ARHGAP18: variants seen among roughly 807,000 people sequenced by gnomAD.
The protein encoded by ARHGAP18 is rho GTPase-activating protein 18.
ARHGAP18 carries 67 observed loss-of-function variants against 86.2 expected under a neutral mutation model. That is an observed-to-expected ratio of 0.78 (90% confidence interval 0.64 to 0.95). The LOEUF is 0.95. Ranked by LOEUF, ARHGAP18 falls within the 40% of genes least tolerant of loss-of-function variation. ARHGAP18 has a pLI of 0.00. For synonymous variants in ARHGAP18, 283 were observed against 280.4 expected (o/e 1.01, Z -0.09); for missense variants, 691 against 780.4 (o/e 0.89, Z 1.37).
intron 5 of ARHGAP18, among the ~76,000 whole-genome samples, chr6:129,626,609 T>G (rs1789478047): frequency 6.6e-6 from 1 of 151,204 alleles, no homozygotes; most frequent in Non-Finnish European, 1.5e-5. Context: ...CTAAGCAACC[T>G]AAAACACAAT....
chr6:129,653,976 A>C (rs971083822), intron 1 of ARHGAP18, among the ~76,000 whole-genome samples: 1 of 152,270 alleles, frequency 6.6e-6, no homozygotes, highest in East Asian at 1.9e-4. Flanking sequence ...CCAGAACTTC[A>C]AGGCTACAGT....
rs558745278 is a variant in ARHGAP18, at chr6:129,600,077, CAAAT to C, written c.1572+561_1572+564del. The stretch of plus-strand genomic sequence containing the variant: ...AACAAATTAATGTTTGGAAGCTCCT[CAAAT>C]AAGAGATTGAAATATTCAATATTAT... On this transcript the variant is annotated intron_variant, in intron 11 of 14. Transcript: ENST00000368149. Among the ~76,000 whole-genome samples, 194 of 152,170 alleles carry C rather than the reference CAAAT, an allele frequency of 1.3e-3. 4 individuals are homozygous for C. In the Middle Eastern group the frequency reaches 0.014, roughly 11 times the overall value.
At chr6:129,623,660 T>G (rs554524977) in intron 5 of ARHGAP18, among the ~76,000 whole-genome samples, 1 of 152,272 alleles carries the variant, frequency 6.6e-6, no homozygotes, top group African/African-American at 2.4e-5. Context: ...CTCAGAGTAG[T>G]GAATACAAAT....
intron 4 of ARHGAP18, among the ~76,000 whole-genome samples, chr6:129,631,969 C>T (rs982030957): frequency 6.6e-6 from 1 of 152,102 alleles, no homozygotes; most frequent in African/African-American, 2.4e-5. Flanking sequence ...ACAACCCTTG[C>T]AACTATAAAA....
chr6:129,625,667 ATAT>A lies in ARHGAP18; in HGVS notation c.786+3683_786+3685del, dbSNP rs1231571236. Among the ~76,000 whole-genome samples, 8 of 55,380 alleles carry A rather than the reference ATAT, an allele frequency of 1.4e-4. 1 individual carries two copies. Among genetic ancestry groups the A allele is most frequent in the South Asian group, 1.1e-3 (2 of 1,820 alleles). The allele number at this position is 55,380 out of a possible 152,430, so 36.3% of individuals were successfully genotyped here. Reference sequence around the variant, plus strand: ...ATATATTTATATATTATATATATTTATATTATATTATATATATTTATATATTAT... The same window carrying A: ...ATATATTTATATATTATATATATTTATATATTATATATATTTATATATTAT... On this transcript the variant is annotated intron_variant, in intron 5 of 14. Coordinates refer to ENST00000368149, the MANE Select transcript of ARHGAP18 (RefSeq NM_033515.3).
chr6:129,648,197 G>A (rs1340506906), intron 1 of ARHGAP18, among the ~76,000 whole-genome samples: 3 of 149,942 alleles, frequency 2.0e-5, no homozygotes, highest in Admixed American at 2.0e-4. Flanking sequence ...TTTGAGATGG[G>A]GTCTCGCTGT....
rs146300308 is a variant in ARHGAP18 at position 129,636,809 on chromosome 6, G to A, written c.552+1585C>T. ...GGAGAATTGCTTGAACCTGGGAGGG[G>A]GAGGTTGCAGTGAGCCGAGATTGCA... On this transcript the variant is annotated intron_variant, in intron 3 of 14. Coordinates refer to ENST00000368149, the MANE Select transcript of ARHGAP18 (RefSeq NM_033515.3). 8.5e-3 allele frequency among the ~76,000 whole-genome samples: 1,301 copies of A among 152,282 alleles called. 13 individuals are homozygous for A. Among genetic ancestry groups the A allele is most frequent in the African/African-American group, 0.029 (1,204 of 41,564 alleles).
chr6:129,654,312 C>T (rs1773783347), intron 1 of ARHGAP18, among the ~76,000 whole-genome samples: 1 of 152,218 alleles, frequency 6.6e-6, no homozygotes, highest in East Asian at 1.9e-4. Context: ...TATGGGCATA[C>T]TGAGCTCCAG....
intron 1 of ARHGAP18, among the ~76,000 whole-genome samples, chr6:129,664,191 G>A (rs1300153371): frequency 1.3e-5 from 2 of 152,158 alleles, no homozygotes; most frequent in Non-Finnish European, 2.9e-5. Context: ...ACCAATGATT[G>A]GCATCTGAAT....
intron 5 of ARHGAP18, among the ~76,000 whole-genome samples, chr6:129,625,059 ATAT>A: frequency 9.2e-6 from 1 of 108,930 alleles, no homozygotes; most frequent in African/African-American, 3.6e-5. Flanking sequence ...TATGATTGAT[ATAT>A]ATTTATATAT....
At chr6:129,593,916 T>G (rs998872340) in intron 12 of ARHGAP18, among the ~76,000 whole-genome samples, 1 of 152,202 alleles carries the variant, frequency 6.6e-6, no homozygotes, top group African/African-American at 2.4e-5. Context: ...AATTAACTAG[T>G]GTAGTCTAGC....
intron 1 of ARHGAP18, among the ~76,000 whole-genome samples, chr6:129,652,227 A>G (rs1008209166): frequency 6.6e-6 from 1 of 152,228 alleles, no homozygotes; most frequent in Non-Finnish European, 1.5e-5. Flanking sequence ...CCATTATTAA[A>G]GTTGTTCTTT....
chr6:129,633,367 A>G (rs1331972091), intron 4 of ARHGAP18, among the ~76,000 whole-genome samples: 2 of 150,426 alleles, frequency 1.3e-5, no homozygotes, highest in East Asian at 3.9e-4. Context: ...TCTGGGAGGC[A>G]GAGGTTGCAG....
At position 129,646,971 on chromosome 6, in the gene ARHGAP18, T is replaced by C. The variant is rs17057535; in HGVS notation, c.114-4953A>G. Among the ~76,000 whole-genome samples, 1,396 of 152,304 alleles carry C rather than the reference T, an allele frequency of 9.2e-3. 24 individuals carry two copies. The highest frequency in any genetic ancestry group is 0.032 in the African/African-American group (1,341 of 41,558). On this transcript the variant is annotated intron_variant, in intron 1 of 14. Coordinates refer to ENST00000368149, the MANE Select transcript of ARHGAP18 (RefSeq NM_033515.3). ...TCTGAAAATGCACGTTTCAATTCTATGGGCAAAACTCCAGAAAGCCCTCTG... is the reference window on the plus strand; with the variant it reads ...TCTGAAAATGCACGTTTCAATTCTACGGGCAAAACTCCAGAAAGCCCTCTG...
At chr6:129,703,755 A>G (rs1774755864) in intron 1 of ARHGAP18, among the ~76,000 whole-genome samples, 1 of 152,228 alleles carries the variant, frequency 6.6e-6, no homozygotes, top group South Asian at 2.1e-4. Context: ...CAGTGAAGAA[A>G]ATGCCTTTAC....
At chr6:129,678,274 A>G (rs779037050) in intron 1 of ARHGAP18, among the ~76,000 whole-genome samples, 2 of 152,208 alleles carry the variant, frequency 1.3e-5, no homozygotes, top group Non-Finnish European at 2.9e-5. Flanking sequence ...CTGAGCACAT[A>G]TCTGAACTTA....
intron 3 of ARHGAP18, among the ~76,000 whole-genome samples, chr6:129,635,693 C>A (rs1301322480): frequency 1.3e-5 from 2 of 152,212 alleles, no homozygotes; most frequent in Non-Finnish European, 2.9e-5. Context: ...TATACACTCA[C>A]TCAAAAGTAG....
intron 1 of ARHGAP18, among the ~76,000 whole-genome samples, chr6:129,673,953 T>A (rs534085987): frequency 6.6e-6 from 1 of 152,092 alleles, no homozygotes; most frequent in East Asian, 1.9e-4. Context: ...GCCCACAGAG[T>A]AATACATACA....
At chr6:129,603,727 G>A (rs1020276090) in intron 10 of ARHGAP18, among the ~76,000 whole-genome samples, 1 of 152,108 alleles carries the variant, frequency 6.6e-6, no homozygotes, top group Non-Finnish European at 1.5e-5. Context: ...CTTCACTATT[G>A]TTCCAAGTCA....
Sources: allele counts gnomAD v4.1 joint callset (sites outside exome capture counted in the v4.1 genomes callset), GRCh38; gene constraint gnomAD v4.1.1; transcripts MANE v1.5; gene names NCBI Gene and HGNC (gene_info 2026-07-23, HGNC 2026-07-21).